The following OPCML variants were observed in gnomAD, a reference collection of about 807,000 sequenced individuals.
The protein encoded by OPCML is opioid-binding protein/cell adhesion molecule.
Under a neutral mutation model 37.8 loss-of-function variants are expected in OPCML, and 13 were observed. That is an observed-to-expected ratio of 0.34 (90% CI 0.22 to 0.55). The LOEUF (loss-of-function observed/expected upper bound fraction) is 0.55. Ranked by LOEUF, OPCML falls within the 20% of genes least tolerant of loss-of-function variation. OPCML has a pLI of 0.91. For synonymous variants in OPCML, 176 were observed against 168.8 expected, an observed-to-expected ratio of 1.04 and a Z score of -0.33; for missense variants, 341 against 435.6, an observed-to-expected ratio of 0.78 and a Z score of 1.93.
At chr11:132,849,251 T>C (rs192140945) in intron 2 of OPCML, among the ~76,000 whole-genome samples, 62 of 152,282 alleles carry the variant, frequency 4.1e-4, no homozygotes, top group African/African-American at 1.3e-3. Context: ...GATCACATTA[T>C]TGTTTATTAG....
intron 4 of OPCML, among the ~76,000 whole-genome samples, chr11:132,482,484 C>T (rs1341427332): frequency 6.6e-6 from 1 of 152,216 alleles, no homozygotes; most frequent in Non-Finnish European, 1.5e-5. Context: ...CGAATTCTAC[C>T]AGAGATACAA....
chr11:132,657,064 C>A, intron 3 of OPCML, 23 bp downstream of exon 3: 1 of 1,609,356 alleles, frequency 6.2e-7, no homozygotes, highest in Middle Eastern at 1.7e-4. Flanking sequence ...GGAATGGCAA[C>A]CCCAGATCCA....
chr11:133,254,852 C>CTTCATGAGAAACGTTAAATTAAATGTAGG (rs1473823886), intron 1 of OPCML, among the ~76,000 whole-genome samples: 13 of 151,984 alleles, frequency 8.6e-5, no homozygotes, highest in African/African-American at 3.1e-4. Flanking sequence ...AGCAGGGGAT[C>CTTCATGAGAAACGTTAAATTAAATGTAGG]TTCATGAGAA....
At chr11:132,453,385 C>G (rs990517175) in intron 4 of OPCML, among the ~76,000 whole-genome samples, 5 of 152,196 alleles carry the variant, frequency 3.3e-5, no homozygotes, top group Non-Finnish European at 7.3e-5. Context: ...TCGCTGACAT[C>G]TCCCACTAGA....
intron 1 of OPCML, among the ~76,000 whole-genome samples, chr11:133,261,987 G>A (rs1343121359): frequency 2.0e-5 from 3 of 152,168 alleles, no homozygotes; most frequent in South Asian, 2.1e-4. Flanking sequence ...CTGCCCTGCC[G>A]TGGGTGGCTC....
chr11:133,153,940 T>C (rs1051067655), intron 1 of OPCML, among the ~76,000 whole-genome samples: 1 of 152,062 alleles, frequency 6.6e-6, no homozygotes, highest in African/African-American at 2.4e-5. Flanking sequence ...CTGACACTTG[T>C]TTACTTCTCA....
At chr11:132,782,910 A>AGT (rs1162718283) in intron 2 of OPCML, among the ~76,000 whole-genome samples, 9,136 of 115,224 alleles carry the variant, frequency 0.079, 402 homozygotes, top group Non-Finnish European at 0.11. Context: ...ATATATATAT[A>AGT]GTGTGTGTAT....
chr11:132,803,966 A>C (rs1938842984), intron 2 of OPCML, among the ~76,000 whole-genome samples: 1 of 152,224 alleles, frequency 6.6e-6, no homozygotes, highest in African/African-American at 2.4e-5. Context: ...ATTATTCCTG[A>C]TAAGAATCCT....
At chr11:133,468,381 T>A (rs66514244) in intron 1 of OPCML, among the ~76,000 whole-genome samples, 20,218 of 152,240 alleles carry the variant, frequency 0.13, 3,211 homozygotes, top group African/African-American at 0.38. Flanking sequence ...AAGTCATAAC[T>A]GCAACTCTTT....
chr11:132,638,186 T>TATATATATATATAGAGAGAG (rs71067383), intron 3 of OPCML, among the ~76,000 whole-genome samples: 14 of 131,018 alleles, frequency 1.1e-4, no homozygotes, highest in African/African-American at 3.6e-4. Context: ...TATATATATA[T>TATATATATATATAGAGAGAG]ACAGAGAGAG....
chr11:132,482,192 AAG>A (rs1184970949), intron 4 of OPCML, among the ~76,000 whole-genome samples: 2 of 151,316 alleles, frequency 1.3e-5, no homozygotes, highest in East Asian at 1.9e-4. Context: ...TAAAGAAAAA[AAG>A]AGAGAAGAAT....
chr11:132,990,906 A>G (rs1183050133), intron 1 of OPCML, among the ~76,000 whole-genome samples: 2 of 152,232 alleles, frequency 1.3e-5, no homozygotes, highest in African/African-American at 2.4e-5. Context: ...AAATTGCACA[A>G]AGCTTATAAA....
At chr11:133,467,097 C>T (rs1400478063) in intron 1 of OPCML, among the ~76,000 whole-genome samples, 2 of 152,186 alleles carry the variant, frequency 1.3e-5, no homozygotes, top group African/African-American at 4.8e-5. Flanking sequence ...CCACTGCTCT[C>T]CTGATGAAGT....
chr11:133,069,359 C>T (rs1358332187), intron 1 of OPCML, among the ~76,000 whole-genome samples: 3 of 152,152 alleles, frequency 2.0e-5, no homozygotes, highest in Admixed American at 1.3e-4. Context: ...CAAAATTACT[C>T]ATGTTTTAGT....
intron 3 of OPCML, among the ~76,000 whole-genome samples, chr11:132,551,307 A>G (rs2096381147): frequency 6.6e-6 from 1 of 151,982 alleles, no homozygotes; most frequent in Non-Finnish European, 1.5e-5. Flanking sequence ...AACCTAAGCA[A>G]CTCCATCTGG....
At chr11:132,866,445 C>A (rs1342525998) in intron 2 of OPCML, among the ~76,000 whole-genome samples, 1 of 152,148 alleles carries the variant, frequency 6.6e-6, no homozygotes, top group East Asian at 1.9e-4. Context: ...AGCACTGTAC[C>A]AAGAAAACAA....
At chr11:133,367,720 T>G (rs1944577317) in intron 1 of OPCML, among the ~76,000 whole-genome samples, 1 of 152,202 alleles carries the variant, frequency 6.6e-6, no homozygotes. Context: ...AGTCAAAGAC[T>G]AGTTATTTTC....
At chr11:133,418,102 G>T (rs1030964820) in intron 1 of OPCML, 19 of 985,388 alleles carry the variant, frequency 1.9e-5, no homozygotes, top group East Asian at 1.1e-4. Flanking sequence ...TGGTTCGGAG[G>T]ACTGGTAAGA....
Position 133,205,085 on chromosome 11 carries a change from T to C in OPCML, c.62-262075A>G, listed in dbSNP as rs1299043487. Among the ~76,000 whole-genome samples, 2 of 151,678 alleles carry C rather than the reference T, an allele frequency of 1.3e-5. No individual in the cohort carries two copies. Among genetic ancestry groups the C allele is most frequent in the Non-Finnish European group, 2.9e-5 (2 of 67,924 alleles). ...CAGGGAAGCCAATTCTGTGATTAAA[T>C]AATTGGAACTTTCTGTCCCACCCTC... On this transcript the variant is annotated intron_variant, in intron 1 of 7. Transcript: ENST00000524381. The surrounding 1 kb of genome is among the most constrained non-coding windows in gnomAD (Gnocchi z 4.8).
Sources: gnomAD v4.1 joint callset for allele counts (sites outside exome capture counted in the v4.1 genomes callset) on GRCh38, gnomAD v4.1.1 for gene constraint, Gnocchi (gnomAD v3.1) non-coding constraint, MANE v1.5 for transcripts, NCBI Gene and HGNC (gene_info 2026-07-23, HGNC 2026-07-21) for gene names.